The following CAST variants were observed in gnomAD, a reference collection of about 807,000 sequenced individuals.
CAST encodes the protein MIR583 host.
A neutral mutation model predicts 119.6 loss-of-function variants in CAST; 76 were observed. That is an observed-to-expected ratio of 0.64 (90% CI 0.53 to 0.77). The LOEUF (loss-of-function observed/expected upper bound fraction) is 0.77. Among genes scored for constraint, CAST ranks in the 30% least tolerant of loss-of-function variants. The pLI, the probability that CAST is intolerant of heterozygous loss-of-function variation, is 0.00. For synonymous variants in CAST, 319 were observed against 331.6 expected (o/e 0.96, Z 0.41); for missense variants, 953 against 946.5 (o/e 1.01, Z -0.09).
At chr5:96,731,303 A>G (rs553498043) in intron 9 of CAST, among the ~76,000 whole-genome samples, 2 of 152,348 alleles carry the variant, frequency 1.3e-5, no homozygotes, top group African/African-American at 4.8e-5. Flanking sequence ...AAATATTTCA[A>G]GTCCTCTCAG....
chr5:96,620,728 G>C (rs1432382815), intron 1 of CAST, among the ~76,000 whole-genome samples: 1 of 152,186 alleles, frequency 6.6e-6, no homozygotes, highest in Admixed American at 6.5e-5. Flanking sequence ...CAGTGAACAA[G>C]AGAGCTACTA....
the CAST span, among the ~76,000 whole-genome samples, chr5:96,171,453 G>C: frequency 1.3e-5 from 2 of 152,114 alleles, no homozygotes; most frequent in African/African-American, 4.8e-5. Flanking sequence ...GTGGGGAGCA[G>C]CCAAAGCAGG....
Position 96,690,995 on chromosome 5 carries a change from T to C in CAST, c.139-4841T>C, listed in dbSNP as rs139525921. The stretch of plus-strand genomic sequence containing the variant: ...ATGTGTTGTTATGCAATTTTATCAT[T>C]GTGGAAATGCCAGAGTGTACTTACA... On this transcript the variant is annotated intron_variant, in intron 2 of 31. Coordinates refer to ENST00000675179, the MANE Select transcript of CAST (RefSeq NM_001750.7). 6.3e-4 allele frequency among the ~76,000 whole-genome samples: 96 copies of C among 152,346 alleles called. 3 individuals are homozygous for C. In the East Asian group the frequency reaches 0.018, roughly 29 times the overall value.
the CAST span, among the ~76,000 whole-genome samples, chr5:96,033,828 A>G: frequency 1.3e-5 from 2 of 152,188 alleles, no homozygotes; most frequent in Middle Eastern, 3.2e-3. Context: ...AAAAGTTTCT[A>G]TGTGGCAAAG....
chr5:96,763,510 G>A (rs1233644809), intron 25 of CAST, among the ~76,000 whole-genome samples: 2 of 152,192 alleles, frequency 1.3e-5, no homozygotes, highest in Non-Finnish European at 2.9e-5. Context: ...AAGGCTATCA[G>A]TAAACATTTG....
the CAST span, among the ~76,000 whole-genome samples, chr5:96,369,957 A>G: frequency 3.9e-5 from 6 of 152,088 alleles, no homozygotes; most frequent in Non-Finnish European, 7.3e-5. Context: ...TAGCTGCTCA[A>G]TAAAAATGTA....
At chr5:96,680,096 A>G (rs1580938562) in intron 2 of CAST, among the ~76,000 whole-genome samples, 1 of 151,736 alleles carries the variant, frequency 6.6e-6, no homozygotes, top group East Asian at 1.9e-4. Flanking sequence ...CATGCCTATA[A>G]TTCCAGCACT....
intron 3 of CAST, among the ~76,000 whole-genome samples, chr5:96,697,051 C>T (rs1403334310): frequency 6.6e-6 from 1 of 151,312 alleles, no homozygotes; most frequent in African/African-American, 2.4e-5. Context: ...ACCTGTAGTC[C>T]CAGCTACTGG....
chr5:96,428,987 G>A, the CAST span, among the ~76,000 whole-genome samples: 1,481 of 151,942 alleles, frequency 9.7e-3, 30 homozygotes, highest in African/African-American at 0.034. Context: ...ATTAAACTGC[G>A]TATATATGTG....
intron 17 of CAST, among the ~76,000 whole-genome samples, chr5:96,746,669 G>A (rs1032091207): frequency 4.6e-5 from 7 of 152,176 alleles, no homozygotes; most frequent in East Asian, 1.9e-4. Flanking sequence ...TAAATGTTTC[G>A]TTTATTAACA....
At chr5:96,506,121 T>C in the CAST span, among the ~76,000 whole-genome samples, 1 of 152,228 alleles carries the variant, frequency 6.6e-6, no homozygotes, top group Non-Finnish European at 1.5e-5. Flanking sequence ...AGTGGGATAA[T>C]GAGAGGCTGC....
chr5:96,689,382 C>A (rs1284224142), intron 2 of CAST, among the ~76,000 whole-genome samples: 1 of 152,170 alleles, frequency 6.6e-6, no homozygotes, highest in African/African-American at 2.4e-5. Context: ...TTTTCTGCAT[C>A]TTCTTTTAAA....
At chr5:96,102,947 G>C in the CAST span, among the ~76,000 whole-genome samples, 1 of 151,774 alleles carries the variant, frequency 6.6e-6, no homozygotes, top group African/African-American at 2.4e-5. Flanking sequence ...AATAACTATG[G>C]GACAAGAAGA....
chr5:96,030,782 A>G, the CAST span, among the ~76,000 whole-genome samples: 1 of 152,152 alleles, frequency 6.6e-6, no homozygotes, highest in Non-Finnish European at 1.5e-5. Flanking sequence ...ACAGTAGCTC[A>G]TGCCTGTAAT....
intron 1 of CAST, chr5:96,663,012 A>C: frequency 1.5e-6 from 1 of 680,398 alleles, no homozygotes; most frequent in East Asian, 2.7e-5. Context: ...CCGCCTTGGG[A>C]TGTGCGGAGC....
chr5:96,506,914 A>G, the CAST span, among the ~76,000 whole-genome samples: 1 of 152,300 alleles, frequency 6.6e-6, no homozygotes, highest in South Asian at 2.1e-4. Flanking sequence ...AAAATCACAC[A>G]CAGGTTTTGT....
At chr5:95,962,194 C>A in the CAST span, 1 of 257,252 alleles carries the variant, frequency 3.9e-6, no homozygotes, top group Non-Finnish European at 7.4e-6. Flanking sequence ...GAGTTGGAGC[C>A]CCGCCCCTGT....
intron 3 of CAST, among the ~76,000 whole-genome samples, chr5:96,706,969 C>G (rs1755106294): frequency 6.6e-6 from 1 of 152,202 alleles, no homozygotes; most frequent in African/African-American, 2.4e-5. Context: ...CAGGCAAGCT[C>G]TGAGGGTTAC....
intron 24 of CAST, among the ~76,000 whole-genome samples, chr5:96,758,606 A>G (rs1766912027): frequency 6.6e-6 from 1 of 152,202 alleles, no homozygotes; most frequent in South Asian, 2.1e-4. Context: ...TGGAGAATAG[A>G]CAGAATGACA....
Sources: gnomAD v4.1 joint callset for allele counts (sites outside exome capture counted in the v4.1 genomes callset) on GRCh38, gnomAD v4.1.1 for gene constraint, MANE v1.5 for transcripts, NCBI Gene and HGNC (gene_info 2026-07-23, HGNC 2026-07-21) for gene names.